The following HHAT variants were observed in gnomAD, a reference collection of about 807,000 sequenced individuals.
HHAT encodes hedgehog acyltransferase.
Under a neutral mutation model 70.8 loss-of-function variants are expected in HHAT, and 47 were observed. The observed-to-expected ratio is 0.66, with a 90% CI of 0.53 to 0.85. The LOEUF (loss-of-function observed/expected upper bound fraction) is 0.85, where lower values mean the gene tolerates loss of function less well. Among genes scored for constraint, HHAT ranks in the 40% least tolerant of loss-of-function variants. HHAT has a pLI of 0.00. For missense variants in HHAT, 609 were observed against 604.8 expected, an observed-to-expected ratio of 1.01 and a Z score of -0.07; for synonymous variants, 228 against 247.6, an observed-to-expected ratio of 0.92 and a Z score of 0.74.
chr1:210,524,039 A>G (rs550212586), intron 9 of HHAT, among the ~76,000 whole-genome samples: 13 of 152,338 alleles, frequency 8.5e-5, no homozygotes, highest in African/African-American at 3.1e-4. Flanking sequence ...TGAGGTATCT[A>G]AAATAAACTC....
intron 6 of HHAT, 51 bp from the exon 7 acceptor site, chr1:210,418,103 T>C (rs2092778115): frequency 1.9e-6 from 3 of 1,552,728 alleles, no homozygotes; most frequent in Non-Finnish European, 2.7e-6. Context: ...TCTAAGGGAC[T>C]GTTTTAGGAA....
intron 6 of HHAT, among the ~76,000 whole-genome samples, chr1:210,405,498 A>C (rs922955414): frequency 6.6e-5 from 10 of 152,188 alleles, no homozygotes; most frequent in Admixed American, 6.5e-4. Flanking sequence ...AATAACATGT[A>C]CGTGCATACA....
At chr1:210,428,557 T>A (rs1251925089) in intron 7 of HHAT, among the ~76,000 whole-genome samples, 1 of 149,588 alleles carries the variant, frequency 6.7e-6, no homozygotes, top group Non-Finnish European at 1.5e-5. Flanking sequence ...TCCTTTTTTA[T>A]GACACCAGCT....
intron 11 of HHAT, among the ~76,000 whole-genome samples, chr1:210,658,174 C>T (rs1161654054): frequency 1.3e-5 from 2 of 152,168 alleles, no homozygotes; most frequent in Non-Finnish European, 2.9e-5. Context: ...GGAATCTCCT[C>T]CCTTATGTTC....
chr1:210,502,532 C>A (rs769101519), intron 8 of HHAT, among the ~76,000 whole-genome samples: 1 of 152,030 alleles, frequency 6.6e-6, no homozygotes, highest in Non-Finnish European at 1.5e-5. Flanking sequence ...AAAATCAGGT[C>A]CCTTATTGGC....
Position 210,565,346 on chromosome 1 carries a change from A to G in HHAT, c.1044-22552A>G, listed in dbSNP as rs1330891750. Among the ~76,000 whole-genome samples, 7 of 152,186 alleles carry G rather than the reference A, an allele frequency of 4.6e-5. No homozygotes were observed. The East Asian group carries it at 1.3e-3, about 29-fold the overall frequency. On this transcript the variant is annotated intron_variant, in intron 9 of 11. Coordinates refer to ENST00000261458, the MANE Select transcript of HHAT (RefSeq NM_018194.6). ...AAATGTCACCACAGGCATCCTCAGTATTAGGTTGGATGTAAGCTCTTAGTC... is the reference window on the plus strand; with the variant it reads ...AAATGTCACCACAGGCATCCTCAGTGTTAGGTTGGATGTAAGCTCTTAGTC...
At chr1:210,608,015 T>C (rs746030047) in intron 10 of HHAT, among the ~76,000 whole-genome samples, 9 of 152,200 alleles carry the variant, frequency 5.9e-5, no homozygotes, top group Non-Finnish European at 1.2e-4. Flanking sequence ...GATCCTATGA[T>C]AGTATATGCA....
At chr1:210,643,053 T>G (rs1482118645) in intron 11 of HHAT, among the ~76,000 whole-genome samples, 1 of 152,220 alleles carries the variant, frequency 6.6e-6, no homozygotes, top group Non-Finnish European at 1.5e-5. Flanking sequence ...CAATTTTTTT[T>G]GGTCTGTTTG....
chr1:210,652,610 T>C (rs908620795), intron 11 of HHAT, among the ~76,000 whole-genome samples: 2 of 152,088 alleles, frequency 1.3e-5, no homozygotes, highest in Non-Finnish European at 2.9e-5. Context: ...GCCTGTGCCC[T>C]CCAAGGGGGC....
intron 11 of HHAT, among the ~76,000 whole-genome samples, chr1:210,629,834 T>C (rs1318599994): frequency 9.1e-6 from 1 of 109,328 alleles, no homozygotes; most frequent in Non-Finnish European, 2.0e-5. Flanking sequence ...TCTGTTTTTT[T>C]TTTGTTTTTT....
At chr1:210,646,261 A>G (rs1277801752) in intron 11 of HHAT, among the ~76,000 whole-genome samples, 1 of 152,218 alleles carries the variant, frequency 6.6e-6, no homozygotes, top group Admixed American at 6.5e-5. Flanking sequence ...TTTAAGGCCT[A>G]TTTTTAAAAA....
intron 10 of HHAT, among the ~76,000 whole-genome samples, chr1:210,619,119 A>G (rs1668328323): frequency 1.3e-5 from 2 of 152,172 alleles, no homozygotes; most frequent in African/African-American, 4.8e-5. Flanking sequence ...TAACCAGGCC[A>G]AAAGTCTAGC....
chr1:210,457,031 C>G (rs1398191866), intron 7 of HHAT, among the ~76,000 whole-genome samples: 1 of 152,168 alleles, frequency 6.6e-6, no homozygotes, highest in Non-Finnish European at 1.5e-5. Flanking sequence ...GCTGATCCAT[C>G]TCCTCCTGAC....
chr1:210,534,143 T>A (rs1003399426), intron 9 of HHAT, among the ~76,000 whole-genome samples: 1 of 152,188 alleles, frequency 6.6e-6, no homozygotes, highest in African/African-American at 2.4e-5. Flanking sequence ...CCAAGTGTTC[T>A]CCTAGGTGCT....
chr1:210,362,287 C>G (rs573099014), intron 2 of HHAT, among the ~76,000 whole-genome samples: 1 of 150,908 alleles, frequency 6.6e-6, no homozygotes, highest in East Asian at 2.0e-4. Flanking sequence ...CTCTTGTTGC[C>G]CAAGCTGGAG....
chr1:210,562,821 A>G (rs544063273), intron 9 of HHAT, among the ~76,000 whole-genome samples: 2 of 106,704 alleles, frequency 1.9e-5, no homozygotes, highest in African/African-American at 6.7e-5. Flanking sequence ...CCACCCCACA[A>G]CAGGCCCCAG....
chr1:210,669,282 ATTAC>A (rs1679604174), intron 11 of HHAT, among the ~76,000 whole-genome samples: 1 of 152,234 alleles, frequency 6.6e-6, no homozygotes, highest in Non-Finnish European at 1.5e-5. Flanking sequence ...AAGTAAAGTT[ATTAC>A]TTAGTTAATT....
intron 10 of HHAT, among the ~76,000 whole-genome samples, chr1:210,596,748 C>T (rs1300182569): frequency 6.6e-6 from 1 of 152,058 alleles, no homozygotes; most frequent in Non-Finnish European, 1.5e-5. Context: ...CATTTAGTTT[C>T]CTCAAAGTAG....
intron 7 of HHAT, among the ~76,000 whole-genome samples, chr1:210,424,658 T>C (rs139197160): frequency 2.0e-5 from 3 of 152,262 alleles, no homozygotes; most frequent in African/African-American, 7.2e-5. Flanking sequence ...GCTCCAACCA[T>C]GTCCCTGCAA....
Sources: gnomAD v4.1 joint callset for allele counts (sites outside exome capture counted in the v4.1 genomes callset) on GRCh38, gnomAD v4.1.1 for gene constraint, MANE v1.5 for transcripts, NCBI Gene and HGNC (gene_info 2026-07-23, HGNC 2026-07-21) for gene names.